Variants in HS6ST3 observed in about 807,000 individuals in gnomAD.
HS6ST3 encodes heparan sulfate 6-O-sulfotransferase 3, also known as heparan-sulfate 6-O-sulfotransferase 3.
Under a neutral mutation model 36.7 loss-of-function variants are expected in HS6ST3, and 12 were observed. The observed-to-expected ratio is 0.33, with a 90% confidence interval of 0.21 to 0.53. The LOEUF is 0.53. Ranked by LOEUF, HS6ST3 falls within the 20% of genes least tolerant of loss-of-function variation. The pLI is 0.95. For missense variants in HS6ST3, 584 were observed against 640.9 expected, an observed-to-expected ratio of 0.91 and a Z score of 0.96; for synonymous variants, 240 against 257.5, an observed-to-expected ratio of 0.93 and a Z score of 0.65.
intron 1 of HS6ST3, among the ~76,000 whole-genome samples, chr13:96,502,734 G>C (rs892311215): frequency 1.3e-5 from 2 of 152,288 alleles, no homozygotes; most frequent in Non-Finnish European, 2.9e-5. Flanking sequence ...CTCATGTGCA[G>C]GTAGGTTATA....
chr13:96,577,868 T>G (rs2056327638), intron 1 of HS6ST3, among the ~76,000 whole-genome samples: 1 of 152,190 alleles, frequency 6.6e-6, no homozygotes, highest in African/African-American at 2.4e-5. Flanking sequence ...TGTGGAGAAA[T>G]AAGAACGCTT....
At chr13:96,603,281 CA>C (rs2056427978) in intron 1 of HS6ST3, among the ~76,000 whole-genome samples, 1 of 152,168 alleles carries the variant, frequency 6.6e-6, no homozygotes, top group Non-Finnish European at 1.5e-5. Flanking sequence ...TCTGTCATCA[CA>C]AAGTGATTTT....
chr13:96,534,437 G>A lies in HS6ST3; in HGVS notation c.708-298053G>A, dbSNP rs1006084546. 3.9e-5 allele frequency among the ~76,000 whole-genome samples: 6 copies of A among 152,152 alleles called. No homozygotes were observed. In the East Asian group the frequency reaches 1.2e-3, roughly 29 times the overall value. On this transcript the variant is annotated intron_variant, in intron 1 of 1. Transcript: ENST00000376705. Reference sequence around the variant, plus strand: ...CTTTTATATGTCTCAGTTTTAAATGGTGTATTTAATCCCATCCATCCCGTG... The same window carrying A: ...CTTTTATATGTCTCAGTTTTAAATGATGTATTTAATCCCATCCATCCCGTG...
intron 1 of HS6ST3, among the ~76,000 whole-genome samples, chr13:96,285,675 TAA>T (rs1294029568): frequency 6.6e-6 from 1 of 152,172 alleles, no homozygotes; most frequent in Non-Finnish European, 1.5e-5. Flanking sequence ...AGGCGAAGTT[TAA>T]CTTAAAGGAC....
intron 1 of HS6ST3, among the ~76,000 whole-genome samples, chr13:96,110,440 G>T (rs1205653689): frequency 3.6e-5 from 5 of 138,340 alleles, no homozygotes; most frequent in Admixed American, 2.2e-4. Context: ...TTGTGTGTGT[G>T]TGTTTTTTTT....
At chr13:96,232,798 A>G (rs1316534640) in intron 1 of HS6ST3, among the ~76,000 whole-genome samples, 2 of 152,200 alleles carry the variant, frequency 1.3e-5, no homozygotes, top group Non-Finnish European at 2.9e-5. Context: ...GAGAAGCAAC[A>G]GAGATTTTGT....
chr13:96,232,761 A>C (rs1253043730), intron 1 of HS6ST3, among the ~76,000 whole-genome samples: 1 of 152,116 alleles, frequency 6.6e-6, no homozygotes, highest in South Asian at 2.1e-4. Context: ...CCTAAAGATG[A>C]TTTCCCTTGG....
intron 1 of HS6ST3, among the ~76,000 whole-genome samples, chr13:96,506,176 T>C (rs1274982799): frequency 6.6e-6 from 1 of 152,066 alleles, no homozygotes; most frequent in Non-Finnish European, 1.5e-5. Flanking sequence ...GAAACCGCCG[T>C]ATAGTTGGCA....
At chr13:96,189,780 C>T (rs2054280456) in intron 1 of HS6ST3, among the ~76,000 whole-genome samples, 1 of 152,296 alleles carries the variant, frequency 6.6e-6, no homozygotes, top group East Asian at 1.9e-4. Flanking sequence ...TGGGACCTCT[C>T]ATTGCAGTGG....
intron 1 of HS6ST3, among the ~76,000 whole-genome samples, chr13:96,093,557 C>A (rs1216260322): frequency 2.7e-5 from 1 of 37,654 alleles, no homozygotes; most frequent in Non-Finnish European, 6.7e-5. Context: ...TCACCCTGTT[C>A]TGGTTTCCTT....
chr13:96,425,133 T>A lies in HS6ST3; in HGVS notation c.707+333564T>A, dbSNP rs574645844. Among the ~76,000 whole-genome samples the A allele has an allele frequency of 1.4e-4, 21 of 152,278 alleles. No individual in the cohort carries two copies. The South Asian group carries it at 4.1e-3, about 30-fold the overall frequency. On this transcript the variant is annotated intron_variant, in intron 1 of 1. Coordinates refer to ENST00000376705, the MANE Select transcript of HS6ST3 (RefSeq NM_153456.4). ...CTTCTGCCTTCTATATGCATGTAAC[T>A]AAAGGCAAATGACCTGTCGAAGCCT... is the stretch of plus-strand genomic sequence containing the variant.
chr13:96,108,440 C>T (rs1268686413), intron 1 of HS6ST3, among the ~76,000 whole-genome samples: 1 of 152,160 alleles, frequency 6.6e-6, no homozygotes, highest in Non-Finnish European at 1.5e-5. Context: ...TTGCCCTGCC[C>T]ATTTGCCTTG....
At chr13:96,591,365 A>G (rs1566405655) in intron 1 of HS6ST3, among the ~76,000 whole-genome samples, 1 of 151,748 alleles carries the variant, frequency 6.6e-6, no homozygotes, top group Admixed American at 6.6e-5. Context: ...GTCCTCTTCA[A>G]TTTTTTTATC....
chr13:96,719,158 C>T (rs908840806), intron 1 of HS6ST3, among the ~76,000 whole-genome samples: 2 of 151,894 alleles, frequency 1.3e-5, no homozygotes, highest in Non-Finnish European at 2.9e-5. Context: ...CCTGTAGTCC[C>T]AGCTAGTCGG....
At chr13:96,388,252 T>A (rs926335721) in intron 1 of HS6ST3, among the ~76,000 whole-genome samples, 19 of 152,190 alleles carry the variant, frequency 1.2e-4, no homozygotes, top group Admixed American at 9.2e-4. Flanking sequence ...ATTTGAGTAA[T>A]GAGTTGGATA....
At chr13:96,744,055 A>G (rs1233569470) in intron 1 of HS6ST3, among the ~76,000 whole-genome samples, 2 of 152,052 alleles carry the variant, frequency 1.3e-5, no homozygotes, top group Non-Finnish European at 1.5e-5. Flanking sequence ...GAATATTTCT[A>G]TAAGTCACAT....
chr13:96,529,818 T>A (rs1373046280), intron 1 of HS6ST3, among the ~76,000 whole-genome samples: 4 of 152,204 alleles, frequency 2.6e-5, no homozygotes, highest in Non-Finnish European at 4.4e-5. Context: ...TTAGATAGGA[T>A]CACCCTTATC....
intron 1 of HS6ST3, among the ~76,000 whole-genome samples, chr13:96,719,305 A>G (rs1053193463): frequency 6.6e-6 from 1 of 151,426 alleles, no homozygotes; most frequent in Non-Finnish European, 1.5e-5. Flanking sequence ...AGAATTTCCT[A>G]CTTCAAGAAG....
intron 1 of HS6ST3, among the ~76,000 whole-genome samples, chr13:96,443,258 C>G (rs916978377): frequency 6.6e-6 from 1 of 151,864 alleles, no homozygotes; most frequent in Admixed American, 6.6e-5. Context: ...AGGCCGGGTG[C>G]GGTGGCTCAC....
Sources: gnomAD v4.1 joint callset for allele counts (sites outside exome capture counted in the v4.1 genomes callset) on GRCh38, gnomAD v4.1.1 for gene constraint, MANE v1.5 for transcripts, NCBI Gene and HGNC (gene_info 2026-07-23, HGNC 2026-07-21) for gene names.